The following DOK6 variants were observed in gnomAD, a reference collection of about 807,000 sequenced individuals.
DOK6 encodes docking protein 6.
In DOK6, 22 loss-of-function variants were observed where a neutral mutation model predicts 44.0. The observed-to-expected ratio is 0.50, with a 90% confidence interval of 0.36 to 0.71. DOK6 has a LOEUF of 0.71. Among genes scored for constraint, DOK6 ranks in the 30% least tolerant of loss-of-function variants. The pLI is 0.00. For missense variants in DOK6, 340 were observed against 416.4 expected (o/e 0.82, Z 1.60); for synonymous variants, 166 against 145.5 (o/e 1.14, Z -1.01).
At chr18:69,517,729 GTT>G (rs5825948) in intron 1 of DOK6, among the ~76,000 whole-genome samples, 26 of 146,804 alleles carry the variant, frequency 1.8e-4, no homozygotes, top group Non-Finnish European at 2.4e-4. Flanking sequence ...ATACAGCTTG[GTT>G]TTTTTTTTTT....
chr18:69,522,332 A>G (rs1981710928), intron 1 of DOK6, among the ~76,000 whole-genome samples: 1 of 151,998 alleles, frequency 6.6e-6, no homozygotes, highest in Non-Finnish European at 1.5e-5. Flanking sequence ...CAAACACAAT[A>G]AAGCTTTATT....
chr18:69,628,211 T>C (rs4572506), intron 3 of DOK6, among the ~76,000 whole-genome samples: 119,985 of 152,126 alleles, frequency 0.79, 49,694 homozygotes, highest in Non-Finnish European at 0.93. Flanking sequence ...TGGGGAGGCT[T>C]GGTGTGGTGG....
At chr18:69,426,751 T>C (rs1217693185) in intron 1 of DOK6, among the ~76,000 whole-genome samples, 4 of 152,182 alleles carry the variant, frequency 2.6e-5, no homozygotes. Context: ...TTGACTATTT[T>C]CTCCACCTAG....
rs541409624 is a variant in DOK6 at position 69,659,889 on chromosome 18, T to C, written c.290-17845T>C. ...ATAAAACATATATGTATGTTTTATA[T>C]ATATAACATATATGTATGTTTTATA... On this transcript the variant is annotated intron_variant, in intron 3 of 7. Transcript: ENST00000382713. 7 of 142,270 alleles carry C rather than the reference T, an allele frequency of 4.9e-5. No individual in the cohort carries two copies. In the South Asian group the frequency reaches 1.2e-3, roughly 24 times the overall value. 8.8% of individuals were successfully genotyped at this position (142,270 alleles called of 1,614,324 possible).
At chr18:69,746,145 T>C (rs1978978027) in intron 6 of DOK6, among the ~76,000 whole-genome samples, 1 of 152,228 alleles carries the variant, frequency 6.6e-6, no homozygotes, top group African/African-American at 2.4e-5. Context: ...AATGCATTAC[T>C]GATTGCAGAC....
In DOK6 at chr18:69,434,979, G is replaced by A. The variant is rs556774440; in HGVS notation, c.66+33669G>A. On this transcript the variant is annotated intron_variant, in intron 1 of 7. Transcript: ENST00000382713. ...GGGAAGGAAGGAAGGAAGGAAGGAA[G>A]GAAAGAAGGAAGGAAGGAAGGAAGA... 1.4e-3 allele frequency among the ~76,000 whole-genome samples: 190 copies of A among 139,280 alleles called. 2 individuals are homozygous for A. Among genetic ancestry groups the A allele is most frequent in the East Asian group, 6.8e-3 (30 of 4,406 alleles). The allele number at this position is 139,280 out of a possible 152,430, so 91.4% of individuals were successfully genotyped here.
In DOK6 at chr18:69,512,232, G is replaced by A. The variant is rs1188529077; in HGVS notation, c.67-52255G>A. 2.0e-5 allele frequency among the ~76,000 whole-genome samples: 3 copies of A among 150,920 alleles called. 1 individual carries two copies. The South Asian group carries it at 6.3e-4, about 32-fold the overall frequency. On this transcript the variant is annotated intron_variant, in intron 1 of 7. Coordinates refer to ENST00000382713, the MANE Select transcript of DOK6 (RefSeq NM_152721.6). ...AAAAAGGGCAAGAAACCATACTCAA[G>A]CCTTGTCAATCAATGCAATCGATGC...
At position 69,578,272 on chromosome 18, in the gene DOK6, A is replaced by G. The variant is rs1021188463; in HGVS notation, c.174+13678A>G. 3.9e-5 allele frequency among the ~76,000 whole-genome samples: 6 copies of G among 152,290 alleles called. No individual in the cohort carries two copies. The East Asian group carries it at 1.2e-3, about 29-fold the overall frequency. On this transcript the variant is annotated intron_variant, in intron 2 of 7. Coordinates refer to ENST00000382713, the MANE Select transcript of DOK6 (RefSeq NM_152721.6). ...AAAATCATAGTATAATTTAAACAAC[A>G]TATTTCCCTATTTGTAAAATGCAAG...
chr18:69,503,407 T>A (rs1981099302), intron 1 of DOK6, among the ~76,000 whole-genome samples: 1 of 152,074 alleles, frequency 6.6e-6, no homozygotes, highest in Admixed American at 6.5e-5. Flanking sequence ...AAAGTGTAAA[T>A]CTACCTGAAA....
In DOK6 at chr18:69,842,141, T is replaced by TAAAAA. The variant is rs148010683; in HGVS notation, c.*772_*776dup. 2.1e-5 allele frequency: 3 copies of TAAAAA among 141,294 alleles called. No homozygotes were observed. Among genetic ancestry groups the TAAAAA allele is most frequent in the South Asian group, 2.2e-4 (1 of 4,468 alleles). 8.8% of individuals were successfully genotyped at this position (141,294 alleles called of 1,614,324 possible). A position where few individuals can be genotyped will look rare whatever the true frequency, so the allele number is the denominator to read the frequency against. ...AATAGCTATTTTTAAAATAGTGCTG[T>TAAAAA]AAAAAAAAAAAAAAAAAAGGCTTCT... On this transcript the variant is annotated 3_prime_UTR_variant, in exon 8 of 8. Transcript: ENST00000382713.
intron 1 of DOK6, among the ~76,000 whole-genome samples, chr18:69,549,142 A>G (rs1982494534): frequency 6.6e-6 from 1 of 150,532 alleles, no homozygotes; most frequent in South Asian, 2.1e-4. Flanking sequence ...AACGTGCCTT[A>G]AGTTAAGTTG....
intron 1 of DOK6, among the ~76,000 whole-genome samples, chr18:69,539,289 C>T (rs1982204172): frequency 6.6e-6 from 1 of 152,194 alleles, no homozygotes; most frequent in African/African-American, 2.4e-5. Context: ...ATCACTAGCA[C>T]ATGATTCGTG....
At chr18:69,546,829 CTGTTTTGAACTAT>C (rs1256055718) in intron 1 of DOK6, among the ~76,000 whole-genome samples, 2 of 151,490 alleles carry the variant, frequency 1.3e-5, no homozygotes, top group Non-Finnish European at 3.0e-5. Flanking sequence ...TCTCTTCTAG[CTGTTTTGAACTAT>C]ATCATATGTT....
chr18:69,428,873 G>A (rs117692162), intron 1 of DOK6, among the ~76,000 whole-genome samples: 2,679 of 152,292 alleles, frequency 0.018, 65 homozygotes, highest in Admixed American at 0.074. Flanking sequence ...CAGAATCATT[G>A]TCTTTAATTG....
In DOK6 at chr18:69,847,773, A is replaced by AATATATATAT; in HGVS notation, c.*6393_*6402dup. 6.6e-6 allele frequency: 1 copy of AATATATATAT among 150,630 alleles called. No individual in the cohort carries two copies. The highest frequency in any genetic ancestry group is 1.9e-4 in the East Asian group (1 of 5,142). The allele number at this position is 150,630 out of a possible 1,614,324, so 9.3% of individuals were successfully genotyped here. ...AATGCTTACTCTTGTAAAAAAAAAA[A>AATATATATAT]ATATATATATATGTATCAGCAGGTA... On this transcript the variant is annotated 3_prime_UTR_variant, in exon 8 of 8. Coordinates refer to ENST00000382713, the MANE Select transcript of DOK6 (RefSeq NM_152721.6).
At chr18:69,664,103 T>A (rs1599250662) in intron 3 of DOK6, among the ~76,000 whole-genome samples, 1 of 152,238 alleles carries the variant, frequency 6.6e-6, no homozygotes, top group African/African-American at 2.4e-5. Flanking sequence ...TTAAATGTAC[T>A]AATGCATTAA....
chr18:69,545,428 T>A (rs1982377185), intron 1 of DOK6, among the ~76,000 whole-genome samples: 1 of 149,290 alleles, frequency 6.7e-6, no homozygotes, highest in South Asian at 2.1e-4. Flanking sequence ...TCTGTAAATT[T>A]AAGCCATGTG....
At chr18:69,628,914 G>T (rs1984622121) in intron 3 of DOK6, among the ~76,000 whole-genome samples, 1 of 152,182 alleles carries the variant, frequency 6.6e-6, no homozygotes, top group Non-Finnish European at 1.5e-5. Flanking sequence ...AGCTGGAGCT[G>T]GTGATGGAAC....
At chr18:69,637,881 G>GTT (rs33973960) in intron 3 of DOK6, among the ~76,000 whole-genome samples, 2 of 146,754 alleles carry the variant, frequency 1.4e-5, no homozygotes, top group Non-Finnish European at 3.0e-5. Flanking sequence ...AAACTTTTAA[G>GTT]TTTTTTTTTT....
Sources: allele counts gnomAD v4.1 joint callset (sites outside exome capture counted in the v4.1 genomes callset), GRCh38; gene constraint gnomAD v4.1.1; transcripts MANE v1.5; gene names NCBI Gene and HGNC (gene_info 2026-07-23, HGNC 2026-07-21).